FANCD2OS: variants seen among roughly 807,000 people sequenced by gnomAD.
FANCD2OS encodes FANCD2 opposite strand.
A neutral mutation model predicts 13.2 loss-of-function variants in FANCD2OS; 11 were observed. That is an observed-to-expected ratio of 0.83 (90% CI 0.52 to 1.38). The LOEUF (loss-of-function observed/expected upper bound fraction) is 1.38, where lower values mean the gene tolerates loss of function less well. Ranked by LOEUF, FANCD2OS falls within the 40% of genes most tolerant of loss-of-function variation. The probability of loss-of-function intolerance (pLI) is 0.00; values close to 1 mark genes in which losing one functional copy is unlikely to be tolerated. For missense variants in FANCD2OS, 217 were observed against 213.9 expected, an observed-to-expected ratio of 1.01 and a Z score of -0.09; for synonymous variants, 69 against 84.5, an observed-to-expected ratio of 0.82 and a Z score of 1.01.
Position 10,104,126 on chromosome 3 carries a change from A to C in FANCD2OS, c.*115T>G, listed in dbSNP as rs1695401351. Reference sequence around the variant, plus strand: ...TCCTGAATCATCACTGCTTGAAACAAAAGCAAGATGGCTGGGACAATGTCA... The same window carrying C: ...TCCTGAATCATCACTGCTTGAAACACAAGCAAGATGGCTGGGACAATGTCA... On this transcript the variant is annotated 3_prime_UTR_variant, in exon 2 of 2. Transcript: ENST00000450660. The C allele has an allele frequency of 9.7e-7, 1 of 1,026,182 alleles. No homozygotes were observed. Among genetic ancestry groups the C allele is most frequent in the African/African-American group, 1.6e-5 (1 of 61,676 alleles). The allele number at this position is 1,026,182 out of a possible 1,614,324, so 63.6% of individuals were successfully genotyped here. A position where few individuals can be genotyped will look rare whatever the true frequency, so the allele number is the denominator to read the frequency against.
intron 1 of FANCD2OS, among the ~76,000 whole-genome samples, chr3:10,106,733 G>T (rs1695504166): frequency 2.0e-5 from 3 of 152,204 alleles, no homozygotes; most frequent in Admixed American, 2.0e-4. Context: ...GGCCAACAGG[G>T]TGAAACCCCG....
At chr3:10,098,659 C>A, downstream of FANCD2OS, 2 of 1,590,288 alleles carry the variant, frequency 1.3e-6, no homozygotes, top group South Asian at 2.3e-5. Flanking sequence ...TCAACCTTCT[C>A]CCCTATTACC....
chr3:10,105,692 A>G (rs1428435112), intron 1 of FANCD2OS, among the ~76,000 whole-genome samples: 13 of 144,222 alleles, frequency 9.0e-5, no homozygotes, highest in Non-Finnish European at 9.1e-5. Context: ...CGGAGGTTGC[A>G]GTGAGTCAAG....
chr3:10,105,764 A>T lies in FANCD2OS; in HGVS notation c.-8-982T>A, dbSNP rs1227679242. Among the ~76,000 whole-genome samples, 571 of 67,010 alleles carry T rather than the reference A, an allele frequency of 8.5e-3. 40 individuals carry two copies. The highest frequency in any genetic ancestry group is 0.041 in the African/African-American group (394 of 9,548). The allele number at this position is 67,010 out of a possible 152,430, so 44.0% of individuals were successfully genotyped here. ...AGACTCCATCTAAAAAAAAAAAAAA[A>T]AAAAAAATTATATATATATATATAT... On this transcript the variant is annotated intron_variant, in intron 1 of 1. Transcript: ENST00000450660.
chr3:10,098,911 T>C (rs774886640), downstream of FANCD2OS: 5 of 1,614,124 alleles, frequency 3.1e-6, no homozygotes, highest in South Asian at 4.4e-5. Flanking sequence ...CTTATGTTTA[T>C]TGTCAAATGC....
intron 2 of FANCD2OS, among the ~76,000 whole-genome samples, chr3:10,089,547 G>T (rs1004355907): frequency 6.6e-6 from 1 of 151,642 alleles, no homozygotes; most frequent in Non-Finnish European, 1.5e-5. Flanking sequence ...TCAGCTCACT[G>T]CAACCTCCAC....
chr3:10,093,667 G>A (rs1404943338), intron 2 of FANCD2OS, among the ~76,000 whole-genome samples: 1 of 152,166 alleles, frequency 6.6e-6, no homozygotes, highest in Non-Finnish European at 1.5e-5. Context: ...TCTATGGGTG[G>A]CCTTACAAAT....
chr3:10,100,350 T>C (rs575817490), downstream of FANCD2OS, among the ~76,000 whole-genome samples: 257 of 152,336 alleles, frequency 1.7e-3, 1 homozygote, highest in Non-Finnish European at 2.8e-3. Flanking sequence ...AATTTTGTAC[T>C]GGATTCCTGT....
chr3:10,105,772 T>TTATATA lies in FANCD2OS; in HGVS notation c.-8-996_-8-991dup, dbSNP rs574690780. Among the ~76,000 whole-genome samples, 146 of 22,558 alleles carry TTATATA rather than the reference T, an allele frequency of 6.5e-3. 1 individual carries two copies. The highest frequency in any genetic ancestry group is 7.9e-3 in the Non-Finnish European group (103 of 12,958). 14.8% of individuals were successfully genotyped at this position (22,558 alleles called of 152,430 possible). ...TCTAAAAAAAAAAAAAAAAAAAAAA[T>TTATATA]TATATATATATATATATATATATAT... On this transcript the variant is annotated intron_variant, in intron 1 of 1. Transcript: ENST00000450660.
chr3:10,098,246 A>T (rs1036538000), downstream of FANCD2OS, among the ~76,000 whole-genome samples: 1 of 152,186 alleles, frequency 6.6e-6, no homozygotes, highest in Non-Finnish European at 1.5e-5. Flanking sequence ...TAATTTACCT[A>T]ATGTCATTCA....
chr3:10,089,032 C>G (rs971256427), intron 2 of FANCD2OS: 2 of 1,516,418 alleles, frequency 1.3e-6, no homozygotes, highest in African/African-American at 2.7e-5. Context: ...CCTGTAATCC[C>G]AGCACTTTGG....
At position 10,104,579 on chromosome 3, in the gene FANCD2OS, A is replaced by T. The variant is rs375900703; in HGVS notation, c.196T>A (p.Ser66Thr). 3.1e-6 allele frequency: 5 copies of T among 1,614,194 alleles called. No homozygotes were observed. The highest frequency in any genetic ancestry group is 4.2e-6 in the Non-Finnish European group (5 of 1,180,032). Residue 66 changes from serine (S) to threonine (T), a missense_variant, in exon 2 of 2, where the codon TCT becomes ACT. By Grantham distance (58) the Ser-to-Thr change is moderately conservative (BLOSUM62 1). Transcript: ENST00000450660. ...TLVLDSPFLE[S>T]GVSPKLPCHT... ...CAGGGTAACTTGGGACTCACTCCAG[A>T]TTCCAGGAATGGGCTGTCTAGGACT... is the stretch of plus-strand genomic sequence containing the variant.
At chr3:10,098,322 AC>A (rs1448873581), downstream of FANCD2OS, among the ~76,000 whole-genome samples, 1 of 152,154 alleles carries the variant, frequency 6.6e-6, no homozygotes, top group Non-Finnish European at 1.5e-5. Context: ...ATGTTCTGAA[AC>A]CACCTCACCA....
rs1695461869 is a variant in FANCD2OS, at chr3:10,105,766, A to AT, written c.-8-985_-8-984insA. ...ACTCCATCTAAAAAAAAAAAAAAAAAAAAAATTATATATATATATATATAT... is the reference window on the plus strand; with the variant it reads ...ACTCCATCTAAAAAAAAAAAAAAAAATAAAAATTATATATATATATATATAT... On this transcript the variant is annotated intron_variant, in intron 1 of 1. Transcript: ENST00000450660. 2.0e-4 allele frequency among the ~76,000 whole-genome samples: 12 copies of AT among 58,702 alleles called. 1 individual carries two copies. The highest frequency in any genetic ancestry group is 1.3e-3 in the African/African-American group (11 of 8,190). 38.5% of individuals were successfully genotyped at this position (58,702 alleles called of 152,430 possible). A position where few individuals can be genotyped will look rare whatever the true frequency, so the allele number is the denominator to read the frequency against.
chr3:10,087,146 T>C, intron 2 of FANCD2OS: 2 of 1,614,134 alleles, frequency 1.2e-6, no homozygotes, highest in Non-Finnish European at 1.7e-6. Context: ...AGAGCGTCCA[T>C]TACTTGCAGA....
rs757808149 is a variant in FANCD2OS at position 10,090,356 on chromosome 3, G to A, written c.*44-8825C>T. ...ACTAGAGAAGACGGTGAAAAAAATT[G>A]AGCCTGGCACAGCAGCAGACTCGCA... On this transcript the variant is annotated intron_variant, in intron 2 of 2. Transcript: ENST00000524279. The A allele has an allele frequency of 2.5e-6, 4 of 1,608,440 alleles. No homozygotes were observed. In the African/African-American group the frequency reaches 5.4e-5, roughly 22 times the overall value.
rs2125082594 is a variant in FANCD2OS, at chr3:10,090,722, T to C, written c.*44-9191A>G. Among the ~76,000 whole-genome samples, 3 of 152,300 alleles carry C rather than the reference T, an allele frequency of 2.0e-5. No homozygotes were observed. The East Asian group carries it at 5.8e-4, about 29-fold the overall frequency. ...ATCCACCCACCTCGGCCTCCCAAAGTGCTGAGATTACAGACGTGCGCCACT... is the reference window on the plus strand; with the variant it reads ...ATCCACCCACCTCGGCCTCCCAAAGCGCTGAGATTACAGACGTGCGCCACT... On this transcript the variant is annotated intron_variant, in intron 2 of 2. Transcript: ENST00000524279.
At chr3:10,097,933 G>A (rs898200011), downstream of FANCD2OS, among the ~76,000 whole-genome samples, 6 of 152,110 alleles carry the variant, frequency 3.9e-5, no homozygotes, top group Admixed American at 3.3e-4. Context: ...CCCTCCGTTT[G>A]GGGTCCCTGA....
At chr3:10,098,820 C>T, downstream of FANCD2OS, 2 of 1,614,174 alleles carry the variant, frequency 1.2e-6, no homozygotes. Flanking sequence ...ACTGAGGTAT[C>T]TCTACAAAAC....
Sources: allele counts gnomAD v4.1 joint callset (sites outside exome capture counted in the v4.1 genomes callset), GRCh38; gene constraint gnomAD v4.1.1; transcripts MANE v1.5; gene names NCBI Gene and HGNC (gene_info 2026-07-23, HGNC 2026-07-21).